EYA1: variants seen among roughly 807,000 people sequenced by gnomAD.
EYA1 encodes the protein EYA transcriptional coactivator and phosphatase 1, also known as protein phosphatase EYA1.
In EYA1, 16 loss-of-function variants were observed where a neutral mutation model predicts 82.0. The ratio of observed to expected loss-of-function variants is 0.20; its 90% CI spans 0.13 to 0.30. EYA1 has a LOEUF of 0.30. EYA1 is among the 10% of genes least tolerant of loss of function. The probability of loss-of-function intolerance (pLI) is 1.00; values close to 1 mark genes in which losing one functional copy is unlikely to be tolerated. For synonymous variants in EYA1, 261 were observed against 264.4 expected, an observed-to-expected ratio of 0.99 and a Z score of 0.12; for missense variants, 633 against 730.7, an observed-to-expected ratio of 0.87 and a Z score of 1.54.
chr8:71,466,690 G>A (rs1214248084), intron 2 of EYA1, among the ~76,000 whole-genome samples: 1 of 152,080 alleles, frequency 6.6e-6, no homozygotes, highest in Non-Finnish European at 1.5e-5. Context: ...CACCTTAAAA[G>A]TGGTTTTCTA....
At chr8:71,358,615 G>A (rs763522787) in intron 1 of EYA1, among the ~76,000 whole-genome samples, 2 of 152,188 alleles carry the variant, frequency 1.3e-5, no homozygotes, top group Non-Finnish European at 2.9e-5. Context: ...AGACACAGAT[G>A]TGAGCAAAAT....
chr8:71,231,251 A>G (rs922076434), intron 12 of EYA1, among the ~76,000 whole-genome samples: 1 of 152,192 alleles, frequency 6.6e-6, no homozygotes, highest in Non-Finnish European at 1.5e-5. Context: ...TTTACAATAC[A>G]ACTCATCTCC....
At chr8:71,480,146 G>A (rs374743961) in intron 2 of EYA1, among the ~76,000 whole-genome samples, 1 of 152,074 alleles carries the variant, frequency 6.6e-6, no homozygotes, top group Non-Finnish European at 1.5e-5. Context: ...TATCCATAAC[G>A]TATTGTTACA....
chr8:71,211,089 C>G (rs1808446873), intron 17 of EYA1, 67 bp downstream of exon 17: 1 of 958,628 alleles, frequency 1.0e-6, no homozygotes, highest in Admixed American at 1.7e-5. Context: ...TTTAAATGAT[C>G]CAGTTATGAG....
rs944102945 is a variant in EYA1, at chr8:71,392,969, T to C, written c.34-36458A>G. On this transcript the variant is annotated intron_variant, in intron 2 of 18. Transcript: ENST00000643681. ...ATGTGTTTTATGTTTTCTTAATTAA[T>C]AGCGGTGCACAATTGAACAGTTTAG... Among the ~76,000 whole-genome samples, 84 of 152,176 alleles carry C rather than the reference T, an allele frequency of 5.5e-4. 1 individual carries two copies. The highest frequency in any genetic ancestry group is 2.0e-3 in the African/African-American group (81 of 41,448).
chr8:71,230,538 T>A (rs917289495), intron 12 of EYA1, among the ~76,000 whole-genome samples: 1 of 152,188 alleles, frequency 6.6e-6, no homozygotes, highest in African/African-American at 2.4e-5. Context: ...CACCTACCTG[T>A]CACCCTCTCT....
chr8:71,532,832 A>G (rs911296912), intron 2 of EYA1, among the ~76,000 whole-genome samples: 1 of 152,228 alleles, frequency 6.6e-6, no homozygotes, highest in Non-Finnish European at 1.5e-5. Context: ...TATGGATTTT[A>G]CTTCTCTCAT....
chr8:71,256,006 T>C (rs1331186392), intron 11 of EYA1, among the ~76,000 whole-genome samples: 11 of 152,170 alleles, frequency 7.2e-5, no homozygotes, highest in Admixed American at 5.9e-4. Flanking sequence ...TGTGAGTTAT[T>C]ATCTCACAGC....
At chr8:71,309,834 T>C (rs1821136336) in intron 7 of EYA1, among the ~76,000 whole-genome samples, 1 of 152,190 alleles carries the variant, frequency 6.6e-6, no homozygotes, top group African/African-American at 2.4e-5. Context: ...AACAAACCTC[T>C]GCCCTGATTT....
intron 3 of EYA1, among the ~76,000 whole-genome samples, chr8:71,354,301 T>TG (rs1460023226): frequency 1.3e-5 from 2 of 152,148 alleles, no homozygotes; most frequent in Non-Finnish European, 2.9e-5. Flanking sequence ...GCCAAAGCCT[T>TG]AAGAACACTA....
chr8:71,212,260 A>C (rs191600941), intron 16 of EYA1, among the ~76,000 whole-genome samples: 6 of 152,370 alleles, frequency 3.9e-5, no homozygotes, highest in Admixed American at 1.3e-4. Context: ...TGTATTTTGC[A>C]CTAAAATCTC....
intron 2 of EYA1, among the ~76,000 whole-genome samples, chr8:71,500,857 T>C (rs947336072): frequency 1.1e-4 from 16 of 152,188 alleles, no homozygotes; most frequent in African/African-American, 3.6e-4. Flanking sequence ...GCAACATAGA[T>C]TCCTTACCTC....
At chr8:71,383,507 C>T (rs1348032403) in intron 2 of EYA1, among the ~76,000 whole-genome samples, 6 of 152,000 alleles carry the variant, frequency 3.9e-5, no homozygotes, top group African/African-American at 7.2e-5. Context: ...ATTTGCCATT[C>T]TATAGCATCA....
chr8:71,202,998 G>A (rs552103088), intron 17 of EYA1, among the ~76,000 whole-genome samples: 12 of 152,256 alleles, frequency 7.9e-5, no homozygotes, highest in South Asian at 4.1e-4. Context: ...TGGATACAAA[G>A]TAAACTTTTT....
chr8:71,452,273 A>T (rs1807452813), intron 2 of EYA1, among the ~76,000 whole-genome samples: 1 of 152,200 alleles, frequency 6.6e-6, no homozygotes, highest in South Asian at 2.1e-4. Flanking sequence ...GTGGCCAAGA[A>T]GCTTGAACTG....
chr8:71,323,482 C>T (rs964068921), intron 4 of EYA1, among the ~76,000 whole-genome samples: 2 of 152,170 alleles, frequency 1.3e-5, no homozygotes, highest in Non-Finnish European at 2.9e-5. Flanking sequence ...TTTGGGATGA[C>T]AATGGTAGAA....
intron 12 of EYA1, among the ~76,000 whole-genome samples, chr8:71,232,961 C>T (rs1811373138): frequency 6.6e-6 from 1 of 152,146 alleles, no homozygotes; most frequent in South Asian, 2.1e-4. Context: ...CTCACACTGA[C>T]CCGATGAGGT....
chr8:71,349,292 G>A (rs888810222), intron 3 of EYA1, among the ~76,000 whole-genome samples: 6 of 152,192 alleles, frequency 3.9e-5, no homozygotes, highest in Admixed American at 3.9e-4. Context: ...TTCTTGCACA[G>A]CGCTGCTGTT....
At chr8:71,200,552 T>TCTGTA (rs1806849869) in intron 17 of EYA1, among the ~76,000 whole-genome samples, 1 of 152,188 alleles carries the variant, frequency 6.6e-6, no homozygotes, top group African/African-American at 2.4e-5. Flanking sequence ...TTTTGGTGTA[T>TCTGTA]CTGTATATAT....
Sources: gnomAD v4.1 joint callset for allele counts (sites outside exome capture counted in the v4.1 genomes callset) on GRCh38, gnomAD v4.1.1 for gene constraint, MANE v1.5 for transcripts, NCBI Gene and HGNC (gene_info 2026-07-23, HGNC 2026-07-21) for gene names.